Variants in PITPNC1 observed in about 807,000 individuals in gnomAD.
PITPNC1 encodes the protein phosphatidylinositol transfer protein cytoplasmic 1, also known as cytoplasmic phosphatidylinositol transfer protein 1.
PITPNC1 carries 18 observed loss-of-function variants against 44.7 expected under a neutral mutation model. That is an observed-to-expected ratio of 0.40 (90% CI 0.28 to 0.60). The LOEUF (loss-of-function observed/expected upper bound fraction) is 0.60, where lower values mean the gene tolerates loss of function less well. Among genes scored for constraint, PITPNC1 ranks in the 20% least tolerant of loss-of-function variants. The probability of loss-of-function intolerance (pLI) is 0.39; values close to 1 mark genes in which losing one functional copy is unlikely to be tolerated. For missense variants in PITPNC1, 290 were observed against 418.4 expected (o/e 0.69, Z 2.68); for synonymous variants, 141 against 149.6 (o/e 0.94, Z 0.42).
chr17:67,668,128 C>G (rs114354015), intron 6 of PITPNC1, among the ~76,000 whole-genome samples: 1 of 152,112 alleles, frequency 6.6e-6, no homozygotes, highest in African/African-American at 2.4e-5. Flanking sequence ...TCCTTCATGT[C>G]CCTTTGCACC....
chr17:67,603,164 T>C (rs1271302329), intron 5 of PITPNC1, among the ~76,000 whole-genome samples: 3 of 152,150 alleles, frequency 2.0e-5, no homozygotes, highest in Non-Finnish European at 4.4e-5. Flanking sequence ...CTTGCTGACT[T>C]GAGTGATTAT....
intron 8 of PITPNC1, among the ~76,000 whole-genome samples, chr17:67,689,373 C>G (rs1172471623): frequency 6.6e-6 from 1 of 152,142 alleles, no homozygotes; most frequent in Non-Finnish European, 1.5e-5. Context: ...GTGAAAGATG[C>G]CTGCCACCGG....
intron 1 of PITPNC1, among the ~76,000 whole-genome samples, chr17:67,456,862 T>C (rs1460804801): frequency 6.6e-6 from 1 of 152,218 alleles, no homozygotes; most frequent in Non-Finnish European, 1.5e-5. Context: ...TTAGTTCTTG[T>C]TTAAAAACAG....
chr17:67,562,597 A>AT (rs1400545426), intron 4 of PITPNC1, among the ~76,000 whole-genome samples: 1 of 149,524 alleles, frequency 6.7e-6, no homozygotes, highest in Admixed American at 6.7e-5. Flanking sequence ...CTTCTTTGCA[A>AT]TTTTTTTCTC....
In PITPNC1 at chr17:67,578,173, T is replaced by G; in HGVS notation, c.295-13T>G. ...AAATGTTATGCTAATGAAAATTTGC[T>G]TTTCTCCCACAGTGTTCCTTTCTGC... On this transcript the variant is annotated splice_polypyrimidine_tract_variant and intron_variant, in intron 4 of 8. Coordinates refer to ENST00000581322, the MANE Select transcript of PITPNC1 (RefSeq NM_012417.4). 6.3e-7 allele frequency: 1 copy of G among 1,589,962 alleles called. No homozygotes were observed. Among genetic ancestry groups the G allele is most frequent in the Non-Finnish European group, 8.6e-7 (1 of 1,158,178 alleles).
intron 1 of PITPNC1, among the ~76,000 whole-genome samples, chr17:67,396,881 C>T (rs1472447105): frequency 1.3e-5 from 2 of 152,100 alleles, no homozygotes; most frequent in African/African-American, 4.8e-5. Context: ...TTTTCAACTC[C>T]TGGGCTCAAG....
chr17:67,567,555 C>T (rs1306132177), intron 4 of PITPNC1, among the ~76,000 whole-genome samples: 2 of 151,992 alleles, frequency 1.3e-5, no homozygotes, highest in African/African-American at 4.8e-5. Context: ...CTCTCCTACA[C>T]TGTTCATGGG....
intron 1 of PITPNC1, among the ~76,000 whole-genome samples, chr17:67,389,046 T>C (rs1022467016): frequency 3.9e-5 from 6 of 152,254 alleles, no homozygotes; most frequent in Non-Finnish European, 8.8e-5. Context: ...CTCATAAAGC[T>C]GACATCAAGG....
chr17:67,666,278 G>C (rs2042421355), intron 6 of PITPNC1, among the ~76,000 whole-genome samples: 1 of 152,224 alleles, frequency 6.6e-6, no homozygotes, highest in South Asian at 2.1e-4. Context: ...TTAAAGGCGT[G>C]AGCCACTGTG....
rs529707464 is a variant in PITPNC1, at chr17:67,595,457, T to G, written c.366+17200T>G. Among the ~76,000 whole-genome samples the G allele has an allele frequency of 2.0e-3, 306 of 152,220 alleles. 3 individuals carry two copies. The highest frequency in any genetic ancestry group is 6.3e-3 in the African/African-American group (261 of 41,530). ...AAGTCTCAGCTAGTATTTTAGTTTTTTTTTTTTTTTAATGTGGGGCAAGGG... is the reference window on the plus strand; with the variant it reads ...AAGTCTCAGCTAGTATTTTAGTTTTGTTTTTTTTTTAATGTGGGGCAAGGG... On this transcript the variant is annotated intron_variant, in intron 5 of 8. Coordinates refer to ENST00000581322, the MANE Select transcript of PITPNC1 (RefSeq NM_012417.4).
chr17:67,560,786 G>A (rs2040896865), intron 4 of PITPNC1, among the ~76,000 whole-genome samples: 1 of 152,152 alleles, frequency 6.6e-6, no homozygotes, highest in Non-Finnish European at 1.5e-5. Flanking sequence ...ATTTTGAGGG[G>A]AAAGAGCAGG....
At chr17:67,636,277 G>A (rs955228184) in intron 6 of PITPNC1, among the ~76,000 whole-genome samples, 10 of 89,460 alleles carry the variant, frequency 1.1e-4, no homozygotes, top group South Asian at 3.7e-4. Flanking sequence ...GCGAGACTCC[G>A]TTTCAAAAAA....
intron 1 of PITPNC1, among the ~76,000 whole-genome samples, chr17:67,512,509 A>AAAAAC (rs1568020997): frequency 6.0e-5 from 8 of 133,198 alleles, no homozygotes; most frequent in African/African-American, 2.1e-4. Context: ...TCAAAAAAAA[A>AAAAAC]AAAAAAAAAA....
At chr17:67,455,812 A>G (rs1461362517) in intron 1 of PITPNC1, among the ~76,000 whole-genome samples, 1 of 152,136 alleles carries the variant, frequency 6.6e-6, no homozygotes, top group East Asian at 1.9e-4. Flanking sequence ...ATAGTTAGTC[A>G]TTCCCAGATG....
At chr17:67,451,476 TC>T (rs1179892719) in intron 1 of PITPNC1, among the ~76,000 whole-genome samples, 1 of 152,036 alleles carries the variant, frequency 6.6e-6, no homozygotes, top group Non-Finnish European at 1.5e-5. Context: ...AACTTTCCAT[TC>T]CCCCCTAAAC....
rs1226624527 is a variant in PITPNC1 at position 67,597,943 on chromosome 17, G to A, written c.366+19686G>A. On this transcript the variant is annotated intron_variant, in intron 5 of 8. Coordinates refer to ENST00000581322, the MANE Select transcript of PITPNC1 (RefSeq NM_012417.4). The surrounding 1 kb of genome is among the most constrained non-coding windows in gnomAD (Gnocchi z 4.0). ...GTGACAGTAGAAATAGAGAGGAGAC[G>A]CTGGGTGCGGTGGCTCATGCCTGTA... 6.6e-6 allele frequency among the ~76,000 whole-genome samples: 1 copy of A among 152,194 alleles called. No homozygotes were observed. The highest frequency in any genetic ancestry group is 1.5e-5 in the Non-Finnish European group (1 of 68,030).
At chr17:67,491,309 A>G (rs537960939) in intron 1 of PITPNC1, among the ~76,000 whole-genome samples, 1 of 152,342 alleles carries the variant, frequency 6.6e-6, no homozygotes, top group South Asian at 2.1e-4. Flanking sequence ...TGTAACCCAG[A>G]TCTGCCAGAT....
chr17:67,384,513 C>A (rs937422694), intron 1 of PITPNC1, among the ~76,000 whole-genome samples: 1 of 152,148 alleles, frequency 6.6e-6, no homozygotes, highest in Non-Finnish European at 1.5e-5. Context: ...GCAAGCTCCG[C>A]CTCCCGGGTT....
chr17:67,560,713 G>A (rs559735554), intron 4 of PITPNC1, among the ~76,000 whole-genome samples: 6 of 152,288 alleles, frequency 3.9e-5, no homozygotes, highest in South Asian at 4.1e-4. Context: ...AGATTATCCC[G>A]TTTCCACTTG....
Sources: allele counts gnomAD v4.1 joint callset (sites outside exome capture counted in the v4.1 genomes callset), GRCh38; gene constraint gnomAD v4.1.1; non-coding constraint Gnocchi (gnomAD v3.1); transcripts MANE v1.5; gene names NCBI Gene and HGNC (gene_info 2026-07-23, HGNC 2026-07-21).